Variants in ZNF658 observed in about 807,000 individuals in gnomAD.
The protein encoded by ZNF658 is zinc finger protein 658.
Under a neutral mutation model 78.0 loss-of-function variants are expected in ZNF658, and 46 were observed. The ratio of observed to expected loss-of-function variants is 0.59; its 90% CI spans 0.47 to 0.75. The LOEUF is 0.75. ZNF658 is among the 30% of genes least tolerant of loss of function. The probability of loss-of-function intolerance (pLI) is 0.00; values close to 1 mark genes in which losing one functional copy is unlikely to be tolerated. For synonymous variants in ZNF658, 279 were observed against 408.4 expected, an observed-to-expected ratio of 0.68 and a Z score of 3.82; for missense variants, 785 against 1,189.3, an observed-to-expected ratio of 0.66 and a Z score of 5.00.
At position 66,919,751 on chromosome 9, in the gene ZNF658, C is replaced by G. The variant is rs1368227579; in HGVS notation, c.2185C>G (p.Leu729Val). Reference sequence around the variant, plus strand: ...GAAAACATTTGCCCATAATTCAGCCCTTAGAGCACATCAGAATATCCACAC... The same window carrying G: ...GAAAACATTTGCCCATAATTCAGCCGTTAGAGCACATCAGAATATCCACAC... The part of the protein sequence containing the change: ...CEKTFAHNSA[L>V]RAHQNIHTGE... The change falls in exon 5 of 5, where the codon CTT becomes GTT. Residue 729 changes from leucine (L) to valine (V), a missense_variant. Transcript: ENST00000621410. 1.9e-6 allele frequency: 3 copies of G among 1,612,186 alleles called. No homozygotes were observed. Among genetic ancestry groups the G allele is most frequent in the African/African-American group, 1.3e-5 (1 of 74,808 alleles).
At position 66,919,560 on chromosome 9, in the gene ZNF658, G is replaced by T. The variant is rs749733469; in HGVS notation, c.1994G>T (p.Arg665Ile). The change falls in exon 5 of 5, where the codon AGA (arginine) becomes ATA (isoleucine). Residue 665 changes from arginine (R) to isoleucine (I), a missense_variant. By Grantham distance (97) the Arg-to-Ile change is moderately conservative (BLOSUM62 -3). This residue lies in a region of ZNF658 where 75 missense variants were observed against 147.1 expected (regional missense o/e 0.51). Coordinates refer to ENST00000621410, the MANE Select transcript of ZNF658 (RefSeq NM_033160.7). ...EKPYECNECG[R>I]SFTYNSALRA... The stretch of plus-strand genomic sequence containing the variant: ...CCCTATGAATGTAATGAATGTGGGA[G>T]ATCTTTCACCTACAATTCAGCCCTG... 1.3e-6 allele frequency: 2 copies of T among 1,566,684 alleles called. No individual in the cohort carries two copies. The highest frequency in any genetic ancestry group is 3.1e-5 in the African/African-American group (2 of 63,728).
At position 66,915,052 on chromosome 9, in the gene ZNF658, T is replaced by A. The variant is rs1211691797; in HGVS notation, c.239-2753T>A. ...TGGTCCAGAAGTTGTTCTTTGGAAT[T>A]GCACACACACACACACACACACACA... On this transcript the variant is annotated intron_variant, in intron 4 of 4. Coordinates refer to ENST00000621410, the MANE Select transcript of ZNF658 (RefSeq NM_033160.7). Among the ~76,000 whole-genome samples the A allele has an allele frequency of 7.8e-4, 78 of 99,874 alleles. 1 individual carries two copies. Among genetic ancestry groups the A allele is most frequent in the Non-Finnish European group, 1.4e-3 (69 of 49,648 alleles). The allele number at this position is 99,874 out of a possible 152,430, so 65.5% of individuals were successfully genotyped here.
At chr9:66,917,674 C>T (rs1822366947) in intron 4 of ZNF658, 131 bp from the exon 5 acceptor site, 4 of 669,318 alleles carry the variant, frequency 6.0e-6, no homozygotes, top group East Asian at 2.9e-5. Context: ...GATCATGCCA[C>T]TGCACTCCAG....
rs369233794 is a variant in ZNF658 at position 66,918,373 on chromosome 9, C to G, written c.807C>G (p.Cys269Trp). The change falls in exon 5 of 5, where the codon TGC (cysteine) becomes TGG (tryptophan). Residue 269 changes from cysteine to tryptophan, a missense_variant. Transcript: ENST00000621410. ...NHMRTDTRGK[C>W]SDLNEYGTSC... ...TGAGAACTGACACAAGGGGGAAATG[C>G]TCTGATCTTAATGAATATGGGACAT... is the stretch of plus-strand genomic sequence containing the variant. The G allele has an allele frequency of 1.2e-6, 2 of 1,613,824 alleles. No individual in the cohort carries two copies. Among genetic ancestry groups the G allele is most frequent in the Non-Finnish European group, 8.5e-7 (1 of 1,179,846 alleles).
chr9:66,927,121 A>G (rs1822593273), intron 6 of ZNF658, among the ~76,000 whole-genome samples: 1 of 152,160 alleles, frequency 6.6e-6, no homozygotes, highest in South Asian at 2.1e-4. Flanking sequence ...CACTGGGAAA[A>G]AGATTAATTT....
At position 66,918,268 on chromosome 9, in the gene ZNF658, G is replaced by A. The variant is rs749573965; in HGVS notation, c.702G>A (p.Gln234=). The A allele has an allele frequency of 1.9e-6, 3 of 1,613,258 alleles. No homozygotes were observed. The Admixed American group carries it at 5.0e-5, about 27-fold the overall frequency. ...LYDKTICITP[Q]SFLTGEKSCK... is the part of the protein sequence containing the mutation. Reference sequence around the variant, plus strand: ...ATAAGACAATTTGTATTACACCTCAGAGTTTTCTAACAGGAGAAAAGTCCT... The same window carrying A: ...ATAAGACAATTTGTATTACACCTCAAAGTTTTCTAACAGGAGAAAAGTCCT... The change falls in exon 5 of 5, where the codon CAG becomes CAA. Residue 234 remains glutamine, a synonymous_variant. Transcript: ENST00000621410.
chr9:66,908,152 A>G (rs1235793074), intron 2 of ZNF658, 86 bp from the exon 3 acceptor site: 9 of 1,608,120 alleles, frequency 5.6e-6, no homozygotes, highest in Non-Finnish European at 7.6e-6. Context: ...TTTTAGTAGT[A>G]GCTCTCAAAG....
At chr9:66,927,186 T>G (rs1564179244) in intron 6 of ZNF658, among the ~76,000 whole-genome samples, 1 of 151,958 alleles carries the variant, frequency 6.6e-6, no homozygotes, top group Non-Finnish European at 1.5e-5. Context: ...CAATCTGATT[T>G]TTTAAATGAG....
At position 66,920,394 on chromosome 9, in the gene ZNF658, G is replaced by A. The variant is rs144796829; in HGVS notation, c.2828G>A (p.Cys943Tyr). 10 of 1,612,362 alleles carry A rather than the reference G, an allele frequency of 6.2e-6. No individual in the cohort carries two copies. The highest frequency in any genetic ancestry group is 8.5e-6 in the Non-Finnish European group (10 of 1,179,788). ...GAGAAACCCTACGAATGTAATGTAT[G>A]TGGGAAGCCATTTGCCCATAATTCA... The part of the protein sequence containing the change: ...TGEKPYECNV[C>Y]GKPFAHNSTL... Residue 943 changes from cysteine to tyrosine, a missense_variant, in exon 5 of 5, where the codon TGT (cysteine) becomes TAT (tyrosine). Transcript: ENST00000621410.
At position 66,904,415 on chromosome 9, in the gene ZNF658, C is replaced by T. The variant is rs1204376533; in HGVS notation, c.15+839C>T. ...CCCGGCTGATGTCTTCATGGAGCCA[C>T]CTTCCTTGTCCTGTCACTCGGCTCA... On this transcript the variant is annotated intron_variant, in intron 2 of 4. Transcript: ENST00000621410. Among the ~76,000 whole-genome samples the T allele has an allele frequency of 4.2e-4, 64 of 151,444 alleles. 1 individual carries two copies. The highest frequency in any genetic ancestry group is 4.0e-3 in the South Asian group (19 of 4,754).
At position 66,918,367 on chromosome 9, in the gene ZNF658, G is replaced by T; in HGVS notation, c.801G>T (p.Gly267=). 6.2e-7 allele frequency: 1 copy of T among 1,613,864 alleles called. No homozygotes were observed. ...LFNHMRTDTR[G]KCSDLNEYGT... Reference sequence around the variant, plus strand: ...ACCACATGAGAACTGACACAAGGGGGAAATGCTCTGATCTTAATGAATATG... The same window carrying T: ...ACCACATGAGAACTGACACAAGGGGTAAATGCTCTGATCTTAATGAATATG... The change falls in exon 5 of 5, where the codon GGG becomes GGT. Residue 267 remains glycine, a synonymous_variant. Coordinates refer to ENST00000621410, the MANE Select transcript of ZNF658 (RefSeq NM_033160.7).
In ZNF658 at chr9:66,918,423, A is replaced by C; in HGVS notation, c.857A>C (p.Glu286Ala). The C allele has an allele frequency of 6.2e-7, 1 of 1,612,764 alleles. No homozygotes were observed. Among genetic ancestry groups the C allele is most frequent in the Non-Finnish European group, 8.5e-7 (1 of 1,178,900 alleles). ...TCCTGTGACAAAACCACCGCTGTTG[A>C]ATACAATAAAGTTCACATGGCTATG... ...GTSCDKTTAV[E>A]YNKVHMAMTH... The change falls in exon 5 of 5, where the codon GAA (glutamate) becomes GCA (alanine). Residue 286 changes from glutamate to alanine, a missense_variant. Around this residue, in one of 12 missense-constraint regions of ZNF658, gnomAD observed 393 missense variants for 400.2 expected, o/e 0.98. Transcript: ENST00000621410.
chr9:66,927,551 T>C (rs1822597711), intron 6 of ZNF658, among the ~76,000 whole-genome samples: 1 of 147,158 alleles, frequency 6.8e-6, no homozygotes, highest in Admixed American at 6.8e-5. Flanking sequence ...ATATTACCAT[T>C]CCTATGTTCA....
At chr9:66,903,223 A>G (rs1421661210) in intron 1 of ZNF658, 2 of 307,328 alleles carry the variant, frequency 6.5e-6, no homozygotes, top group Non-Finnish European at 1.2e-5. Context: ...GTTTAAGCGC[A>G]CATAATCGTA....
chr9:66,915,088 CACACAT>C (rs1283751313), intron 4 of ZNF658, among the ~76,000 whole-genome samples: 35 of 113,594 alleles, frequency 3.1e-4, no homozygotes, highest in South Asian at 2.3e-3. Context: ...CACACACACA[CACACAT>C]ACACATATAT....
chr9:66,927,468 A>G (rs1822596994), intron 6 of ZNF658, among the ~76,000 whole-genome samples: 1 of 151,992 alleles, frequency 6.6e-6, no homozygotes, highest in African/African-American at 2.4e-5. Flanking sequence ...TTAAAAACAG[A>G]GCCATTATAT....
intron 6 of ZNF658, among the ~76,000 whole-genome samples, chr9:66,929,160 C>A (rs2118138975): frequency 6.7e-6 from 1 of 150,048 alleles, no homozygotes; most frequent in South Asian, 2.1e-4. Flanking sequence ...ATAAATTTCT[C>A]TTTTTAACTT....
chr9:66,917,701 A>G (rs1420271118), intron 4 of ZNF658, 104 bp from the exon 5 acceptor site: 4 of 1,117,998 alleles, frequency 3.6e-6, no homozygotes, highest in South Asian at 1.6e-5. Flanking sequence ...TGACAGAGCA[A>G]TACCCTATTT....
At chr9:66,913,315 C>T (rs1202510423) in intron 4 of ZNF658, among the ~76,000 whole-genome samples, 16 of 151,902 alleles carry the variant, frequency 1.1e-4, no homozygotes, top group Admixed American at 1.1e-3. Flanking sequence ...ATCCCAGGTA[C>T]TCAGGAGGCT....
Sources: gnomAD v4.1 joint callset for allele counts (sites outside exome capture counted in the v4.1 genomes callset) on GRCh38, gnomAD v4.1.1 for gene constraint, gnomAD v4.1.1 regional missense constraint, MANE v1.5 for transcripts, NCBI Gene and HGNC (gene_info 2026-07-23, HGNC 2026-07-21) for gene names.